Variants in AHI1 observed in about 807,000 individuals in gnomAD.
AHI1 encodes Abelson helper integration site 1, also known as jouberin.
Under a neutral mutation model 149.3 loss-of-function variants are expected in AHI1, and 123 were observed. The ratio of observed to expected loss-of-function variants is 0.82; its 90% CI spans 0.71 to 0.96. AHI1 has a LOEUF of 0.96. Ranked by LOEUF, AHI1 falls within the 40% of genes least tolerant of loss-of-function variation. AHI1 has a pLI of 0.00. For missense variants in AHI1, 1,439 were observed against 1,422.7 expected, an observed-to-expected ratio of 1.01 and a Z score of -0.18; for synonymous variants, 475 against 459.8, an observed-to-expected ratio of 1.03 and a Z score of -0.42.
intron 26 of AHI1, among the ~76,000 whole-genome samples, chr6:135,303,353 T>C (rs1784125735): frequency 6.6e-6 from 1 of 152,236 alleles, no homozygotes; most frequent in Admixed American, 6.5e-5. Context: ...TATAGTTCTA[T>C]TTTTACATGC....
At chr6:135,291,324 C>T (rs2128340195) in intron 27 of AHI1, among the ~76,000 whole-genome samples, 1 of 152,308 alleles carries the variant, frequency 6.6e-6, no homozygotes, top group Non-Finnish European at 1.5e-5. Flanking sequence ...ATGTTGACAC[C>T]TGAACTCCTA....
chr6:135,352,060 C>T (rs1432240769), intron 24 of AHI1, among the ~76,000 whole-genome samples: 1 of 152,150 alleles, frequency 6.6e-6, no homozygotes, highest in Non-Finnish European at 1.5e-5. Flanking sequence ...CACACTGATC[C>T]CGATAGTCTC....
intron 23 of AHI1, among the ~76,000 whole-genome samples, chr6:135,390,951 G>A (rs1044721825): frequency 1.3e-5 from 2 of 152,120 alleles, no homozygotes; most frequent in Non-Finnish European, 2.9e-5. Context: ...TTACTACATG[G>A]TAAGGCATTT....
intron 8 of AHI1, among the ~76,000 whole-genome samples, chr6:135,460,941 A>T (rs1211341658): frequency 1.3e-5 from 2 of 152,192 alleles, no homozygotes; most frequent in Admixed American, 6.5e-5. Context: ...TGCATATCTA[A>T]ATGTGAAAGT....
intron 18 of AHI1, among the ~76,000 whole-genome samples, chr6:135,429,314 C>T (rs1329979054): frequency 6.6e-6 from 1 of 151,574 alleles, no homozygotes; most frequent in African/African-American, 2.4e-5. Context: ...CACTTTGTGC[C>T]AGGTAAGTAT....
At chr6:135,326,642 C>T (rs1459959211) in intron 24 of AHI1, among the ~76,000 whole-genome samples, 2 of 152,000 alleles carry the variant, frequency 1.3e-5, no homozygotes, top group South Asian at 2.1e-4. Context: ...CTCACTGCAA[C>T]CTCTGCCTCC....
At chr6:135,331,722 T>G (rs941011447) in intron 24 of AHI1, among the ~76,000 whole-genome samples, 7 of 152,202 alleles carry the variant, frequency 4.6e-5, no homozygotes, top group African/African-American at 1.4e-4. Flanking sequence ...CTGAATAAAT[T>G]CACACGCTTG....
At chr6:135,488,127 A>C (rs1011969993) in intron 5 of AHI1, among the ~76,000 whole-genome samples, 4 of 152,080 alleles carry the variant, frequency 2.6e-5, no homozygotes, top group Non-Finnish European at 1.5e-5. Flanking sequence ...GCAATATTTG[A>C]CTCTTAAGAT....
In AHI1 at chr6:135,357,519, G is replaced by A. The variant is rs564751879; in HGVS notation, c.3165+613C>T. 6.6e-5 allele frequency among the ~76,000 whole-genome samples: 10 copies of A among 152,314 alleles called. No individual in the cohort carries two copies. The South Asian group carries it at 1.9e-3, about 28-fold the overall frequency. ...CCAAATCTTTCTCACAATAGGAAAT[G>A]GAGAATCACAGGAAGTACTTGGAAG... is the stretch of plus-strand genomic sequence containing the variant. On this transcript the variant is annotated intron_variant, in intron 24 of 28. Coordinates refer to ENST00000265602, the MANE Select transcript of AHI1 (RefSeq NM_001134831.2).
At chr6:135,486,341 T>C (rs1015396755) in intron 5 of AHI1, among the ~76,000 whole-genome samples, 1 of 152,212 alleles carries the variant, frequency 6.6e-6, no homozygotes, top group Non-Finnish European at 1.5e-5. Flanking sequence ...TCTAGGTTTG[T>C]TGCTCACATG....
chr6:135,405,550 T>C (rs1780637747), intron 21 of AHI1, among the ~76,000 whole-genome samples: 1 of 151,996 alleles, frequency 6.6e-6, no homozygotes, highest in Non-Finnish European at 1.5e-5. Context: ...AATCTGCTGC[T>C]AAGGAGAGAG....
At chr6:135,418,229 C>T (rs566550961) in intron 20 of AHI1, among the ~76,000 whole-genome samples, 2 of 152,142 alleles carry the variant, frequency 1.3e-5, no homozygotes, top group South Asian at 2.1e-4. Context: ...CTTGAGGTTT[C>T]GACCTTCTGA....
intron 24 of AHI1, among the ~76,000 whole-genome samples, chr6:135,353,090 A>G (rs949202931): frequency 6.6e-6 from 1 of 152,134 alleles, no homozygotes; most frequent in Non-Finnish European, 1.5e-5. Context: ...AAAAAAATCA[A>G]CATAAGCTTC....
At chr6:135,406,199 T>G (rs1780775304) in intron 21 of AHI1, among the ~76,000 whole-genome samples, 1 of 152,218 alleles carries the variant, frequency 6.6e-6, no homozygotes, top group African/African-American at 2.4e-5. Flanking sequence ...TCGGTATATC[T>G]CATTCTAAGT....
At chr6:135,438,824 T>G (rs924619586) in intron 14 of AHI1, among the ~76,000 whole-genome samples, 12 of 152,150 alleles carry the variant, frequency 7.9e-5, no homozygotes, top group African/African-American at 2.9e-4. Flanking sequence ...TCACTTATAT[T>G]CTATAATTTA....
At chr6:135,376,921 A>AAAAAAAAAATG (rs1776025303) in intron 23 of AHI1, among the ~76,000 whole-genome samples, 1 of 128,690 alleles carries the variant, frequency 7.8e-6, no homozygotes, top group African/African-American at 2.9e-5. Context: ...AAAAAAAAAA[A>AAAAAAAAAATG]GTTGGTCCAG....
chr6:135,302,368 G>T, intron 26 of AHI1: 1 of 989,874 alleles, frequency 1.0e-6, no homozygotes, highest in African/African-American at 1.7e-5. Flanking sequence ...TTAAGCCAAT[G>T]TTACTTTTAA....
At chr6:135,327,298 T>A (rs1280150955) in intron 24 of AHI1, among the ~76,000 whole-genome samples, 3 of 152,176 alleles carry the variant, frequency 2.0e-5, no homozygotes, top group Non-Finnish European at 4.4e-5. Flanking sequence ...CCTCAGCAAC[T>A]TACAGAACCG....
At chr6:135,330,696 C>G (rs565141983) in intron 24 of AHI1, among the ~76,000 whole-genome samples, 65 of 152,156 alleles carry the variant, frequency 4.3e-4, no homozygotes, top group Non-Finnish European at 8.5e-4. Context: ...GTCCACATGC[C>G]GGCAGCCGAA....
Sources: gnomAD v4.1 joint callset for allele counts (sites outside exome capture counted in the v4.1 genomes callset) on GRCh38, gnomAD v4.1.1 for gene constraint, MANE v1.5 for transcripts, NCBI Gene and HGNC (gene_info 2026-07-23, HGNC 2026-07-21) for gene names.